TFEC: variants seen among roughly 807,000 people sequenced by gnomAD.
The protein encoded by TFEC is transcription factor EC, also known as class E basic helix-loop-helix protein 34.
In TFEC, 31 loss-of-function variants were observed where a neutral mutation model predicts 41.6. The observed-to-expected ratio is 0.74, with a 90% CI of 0.56 to 1.01. The LOEUF (loss-of-function observed/expected upper bound fraction) is 1.01. Among genes scored for constraint, TFEC ranks in the 50% least tolerant of loss-of-function variants. TFEC has a pLI of 0.00. For synonymous variants in TFEC, 143 were observed against 140.6 expected (o/e 1.02, Z -0.12); for missense variants, 402 against 404.1 (o/e 0.99, Z 0.04).
intron 1 of TFEC, among the ~76,000 whole-genome samples, chr7:116,154,854 G>A (rs1462218621): frequency 6.6e-6 from 1 of 152,094 alleles, no homozygotes; most frequent in Non-Finnish European, 1.5e-5. Context: ...TTCCTCTCTT[G>A]GATATTAATT....
At chr7:116,000,976 G>A (rs945827555) in intron 1 of TFEC, among the ~76,000 whole-genome samples, 14 of 150,276 alleles carry the variant, frequency 9.3e-5, no homozygotes, top group Middle Eastern at 3.5e-3. Flanking sequence ...AAATTAATAC[G>A]GAAACACAAA....
intron 1 of TFEC, among the ~76,000 whole-genome samples, chr7:116,019,918 C>T (rs1795329404): frequency 6.6e-6 from 1 of 152,142 alleles, no homozygotes; most frequent in Non-Finnish European, 1.5e-5. Context: ...AAAAATCAAA[C>T]CAAGTCTACT....
intron 3 of TFEC, among the ~76,000 whole-genome samples, chr7:116,062,710 G>T (rs1796599103): frequency 6.6e-6 from 1 of 151,554 alleles, no homozygotes; most frequent in Admixed American, 6.6e-5. Flanking sequence ...TTTGTATAAT[G>T]ACTTCTTTTC....
chr7:116,055,289 C>T (rs913135541), intron 3 of TFEC, among the ~76,000 whole-genome samples: 6 of 151,976 alleles, frequency 3.9e-5, no homozygotes, highest in African/African-American at 1.4e-4. Context: ...TAATAGGTCC[C>T]ACAATTTGGA....
intron 3 of TFEC, among the ~76,000 whole-genome samples, chr7:116,044,290 T>A (rs1206326100): frequency 6.6e-6 from 1 of 152,192 alleles, no homozygotes; most frequent in African/African-American, 2.4e-5. Context: ...GCTAATAATG[T>A]GTTACCCCTT....
chr7:116,006,621 A>G (rs1794800963), intron 1 of TFEC, among the ~76,000 whole-genome samples: 2 of 152,112 alleles, frequency 1.3e-5, no homozygotes, highest in African/African-American at 4.8e-5. Flanking sequence ...CTTGTTTCAG[A>G]TGGGACTTTG....
rs1406839711 is a variant in TFEC at position 115,942,454 on chromosome 7, G to A, written c.516-414C>T. 2.0e-5 allele frequency among the ~76,000 whole-genome samples: 3 copies of A among 151,958 alleles called. No homozygotes were observed. In the East Asian group the frequency reaches 5.8e-4, roughly 29 times the overall value. On this transcript the variant is annotated intron_variant, in intron 6 of 7. Coordinates refer to ENST00000265440, the MANE Select transcript of TFEC (RefSeq NM_012252.4). ...ATTTTTTAAGATCATTTCAAATGTAGCAATCTTTTAACCTATTTTCTAATA... is the reference window on the plus strand; with the variant it reads ...ATTTTTTAAGATCATTTCAAATGTAACAATCTTTTAACCTATTTTCTAATA...
At chr7:115,968,088 C>G in intron 3 of TFEC, 1 of 1,249,622 alleles carries the variant, frequency 8.0e-7, no homozygotes, top group Non-Finnish European at 1.1e-6. Flanking sequence ...GTTCACATAC[C>G]TTATTTTATT....
chr7:115,971,613 G>T (rs1793139280), intron 3 of TFEC, among the ~76,000 whole-genome samples: 1 of 151,908 alleles, frequency 6.6e-6, no homozygotes, highest in African/African-American at 2.4e-5. Context: ...TCAGTATCCT[G>T]CTCAACTTGC....
chr7:115,986,855 A>T (rs1283999316), intron 1 of TFEC, among the ~76,000 whole-genome samples: 1 of 152,018 alleles, frequency 6.6e-6, no homozygotes, highest in Non-Finnish European at 1.5e-5. Flanking sequence ...ACATGTATAC[A>T]TATGTAACAA....
At chr7:116,064,697 A>G (rs1313167213) in intron 3 of TFEC, among the ~76,000 whole-genome samples, 1 of 152,122 alleles carries the variant, frequency 6.6e-6, no homozygotes, top group Non-Finnish European at 1.5e-5. Flanking sequence ...CATGTATCCC[A>G]GAACTTAAAG....
chr7:116,143,082 T>C (rs1462927673), intron 1 of TFEC, among the ~76,000 whole-genome samples: 1 of 152,144 alleles, frequency 6.6e-6, no homozygotes. Flanking sequence ...TTTGAAGTTA[T>C]CTCCTTTAGA....
chr7:116,000,650 C>A (rs1356916971), intron 1 of TFEC, among the ~76,000 whole-genome samples: 4 of 152,006 alleles, frequency 2.6e-5, no homozygotes, highest in Admixed American at 2.6e-4. Context: ...TCAATATATG[C>A]CAACAGTGAA....
rs777305963 is a variant in TFEC, at chr7:115,956,795, T to G, written c.268-2A>C. On this transcript the variant is annotated splice_acceptor_variant, in intron 3 of 7. Coordinates refer to ENST00000265440, the MANE Select transcript of TFEC (RefSeq NM_012252.4). LOFTEE classifies it high-confidence loss of function. ...CACATCCAAAATACTTCCAGATAAC[T>G]TGAGAGGAAAAAGGAAGAAAAGATT... is the stretch of plus-strand genomic sequence containing the variant. 1 of 1,554,830 alleles carries G rather than the reference T, an allele frequency of 6.4e-7. No individual in the cohort carries two copies. The highest frequency in any genetic ancestry group is 1.4e-5 in the African/African-American group (1 of 72,610).
intron 3 of TFEC, among the ~76,000 whole-genome samples, chr7:116,071,769 C>T (rs1259056312): frequency 2.0e-5 from 3 of 151,208 alleles, no homozygotes; most frequent in African/African-American, 4.8e-5. Flanking sequence ...AAATATCTGC[C>T]TTCATTAGAA....
intron 2 of TFEC, among the ~76,000 whole-genome samples, chr7:115,980,960 GA>G (rs1793605143): frequency 6.6e-6 from 1 of 151,988 alleles, no homozygotes; most frequent in Non-Finnish European, 1.5e-5. Flanking sequence ...GATTATATGA[GA>G]TAATATAAGA....
intron 1 of TFEC, among the ~76,000 whole-genome samples, chr7:116,118,845 A>C (rs999142330): frequency 6.6e-6 from 1 of 151,872 alleles, no homozygotes; most frequent in Admixed American, 6.6e-5. Flanking sequence ...GAGGTTTATA[A>C]TGACACAAAT....
intron 3 of TFEC, among the ~76,000 whole-genome samples, chr7:116,055,049 T>TTATCACTAG (rs1319876071): frequency 6.6e-6 from 1 of 152,148 alleles, no homozygotes; most frequent in Non-Finnish European, 1.5e-5. Flanking sequence ...TCTAAAATTT[T>TTATCACTAG]TATCACTAGT....
intron 7 of TFEC, chr7:115,941,509 A>C (rs1484127372): frequency 4.8e-6 from 1 of 208,850 alleles, no homozygotes; most frequent in Non-Finnish European, 9.4e-6. Context: ...AATGTAGAGA[A>C]ACAAATGTTT....
Sources: gnomAD v4.1 joint callset for allele counts (sites outside exome capture counted in the v4.1 genomes callset) on GRCh38, gnomAD v4.1.1 for gene constraint, MANE v1.5 for transcripts, NCBI Gene and HGNC (gene_info 2026-07-23, HGNC 2026-07-21) for gene names.